Variants in E2F3 observed in about 807,000 individuals in gnomAD.
E2F3 encodes the protein E2F transcription factor 3.
In E2F3, 11 loss-of-function variants were observed where a neutral mutation model predicts 44.4. The ratio of observed to expected loss-of-function variants is 0.25; its 90% CI spans 0.16 to 0.41. The LOEUF (loss-of-function observed/expected upper bound fraction) is 0.41. E2F3 is among the 10% of genes least tolerant of loss of function. The probability of loss-of-function intolerance (pLI) is 1.00; values close to 1 mark genes in which losing one functional copy is unlikely to be tolerated. For missense variants in E2F3, 487 were observed against 583.6 expected, an observed-to-expected ratio of 0.83 and a Z score of 1.70; for synonymous variants, 249 against 253.0, an observed-to-expected ratio of 0.98 and a Z score of 0.15.
chr6:20,415,953 A>C (rs944211935), intron 1 of E2F3, among the ~76,000 whole-genome samples: 1 of 152,196 alleles, frequency 6.6e-6, no homozygotes, highest in Non-Finnish European at 1.5e-5. Flanking sequence ...CTCAGGGTCA[A>C]CTTCTCAGTG....
intron 1 of E2F3, among the ~76,000 whole-genome samples, chr6:20,435,961 T>C (rs1384804719): frequency 1.4e-5 from 2 of 145,886 alleles, no homozygotes; most frequent in East Asian, 4.2e-4. Context: ...AGATCATACA[T>C]TAAAGAATTG....
At chr6:20,478,222 C>T (rs751992653) in intron 1 of E2F3, among the ~76,000 whole-genome samples, 16 of 152,066 alleles carry the variant, frequency 1.1e-4, no homozygotes, top group Admixed American at 3.9e-4. Context: ...TCAGTGGAAA[C>T]GGACAGTCCA....
intron 1 of E2F3, among the ~76,000 whole-genome samples, chr6:20,412,543 A>C (rs889573061): frequency 1.3e-5 from 2 of 151,972 alleles, no homozygotes; most frequent in Non-Finnish European, 2.9e-5. Context: ...AACAGGACCG[A>C]AGGTTGGATG....
At chr6:20,405,144 A>G (rs1759450596) in intron 1 of E2F3, among the ~76,000 whole-genome samples, 2 of 152,144 alleles carry the variant, frequency 1.3e-5, no homozygotes, top group African/African-American at 4.8e-5. Context: ...AGTATACTAA[A>G]TTACCCTCAC....
intron 1 of E2F3, among the ~76,000 whole-genome samples, chr6:20,409,866 A>G (rs1014381969): frequency 6.6e-6 from 1 of 152,200 alleles, no homozygotes. Context: ...TAATCCACAA[A>G]CCAGAAAGGT....
intron 1 of E2F3, among the ~76,000 whole-genome samples, chr6:20,450,458 G>A (rs1273933124): frequency 2.6e-5 from 4 of 151,920 alleles, no homozygotes; most frequent in Non-Finnish European, 5.9e-5. Context: ...CTTTGCCCAC[G>A]TTTTAATGGG....
chr6:20,455,258 C>G (rs1280926012), intron 1 of E2F3, among the ~76,000 whole-genome samples: 1 of 152,162 alleles, frequency 6.6e-6, no homozygotes, highest in Non-Finnish European at 1.5e-5. Context: ...TCTCCATATC[C>G]TGTGTGTTTC....
At chr6:20,471,382 A>G (rs1761884986) in intron 1 of E2F3, among the ~76,000 whole-genome samples, 1 of 152,170 alleles carries the variant, frequency 6.6e-6, no homozygotes, top group Non-Finnish European at 1.5e-5. Context: ...CAGGAGTTCG[A>G]GACTAGCCTG....
intron 1 of E2F3, among the ~76,000 whole-genome samples, chr6:20,456,970 C>T (rs778419812): frequency 6.6e-5 from 10 of 152,242 alleles, no homozygotes; most frequent in Middle Eastern, 6.8e-3. Flanking sequence ...TTTATGAACT[C>T]ACTTTGCCCA....
At chr6:20,457,672 G>A (rs1288070889) in intron 1 of E2F3, among the ~76,000 whole-genome samples, 3 of 152,162 alleles carry the variant, frequency 2.0e-5, no homozygotes, top group Non-Finnish European at 2.9e-5. Context: ...TGCCTCCTGA[G>A]AAGTCCTTGT....
In E2F3 at chr6:20,402,269, C is replaced by T. The variant is rs770323014; in HGVS notation, c.37C>T (p.Leu13=). The T allele has an allele frequency of 1.5e-5, 24 of 1,607,892 alleles. No individual in the cohort carries two copies. The highest frequency in any genetic ancestry group is 2.0e-5 in the Non-Finnish European group (23 of 1,178,480). The part of the protein sequence containing the change: ...KGIQPALEQY[L]VTAGGGEGAA... ...AATCCAGCCCGCTCTGGAGCAGTAC[C>T]TGGTGACCGCCGGGGGTGGGGAGGG... Residue 13 remains leucine (L), a synonymous_variant, in exon 1 of 7, where the codon CTG becomes TTG. Coordinates refer to ENST00000346618, the MANE Select transcript of E2F3 (RefSeq NM_001949.5). The surrounding 1 kb of genome is among the most constrained non-coding windows in gnomAD (Gnocchi z 5.6).
intron 1 of E2F3, among the ~76,000 whole-genome samples, chr6:20,467,366 C>T (rs1292188754): frequency 6.6e-6 from 1 of 152,176 alleles, no homozygotes; most frequent in African/African-American, 2.4e-5. Context: ...TGGAGTCAGG[C>T]AGTCCCCCTT....
At chr6:20,415,392 TCTC>T (rs1314917023) in intron 1 of E2F3, among the ~76,000 whole-genome samples, 1 of 152,178 alleles carries the variant, frequency 6.6e-6, no homozygotes. Context: ...GTCAGATACT[TCTC>T]CGTGGTGATA....
At chr6:20,435,164 G>C (rs1760532511) in intron 1 of E2F3, among the ~76,000 whole-genome samples, 1 of 152,204 alleles carries the variant, frequency 6.6e-6, no homozygotes, top group South Asian at 2.1e-4. Flanking sequence ...CAGCACTTCA[G>C]ACTCAAGTTT....
intron 4 of E2F3, among the ~76,000 whole-genome samples, chr6:20,484,132 C>A (rs910646950): frequency 1.8e-4 from 28 of 152,144 alleles, no homozygotes; most frequent in African/African-American, 6.3e-4. Flanking sequence ...TGATTGGCAG[C>A]CTTCCGGGAC....
chr6:20,450,455 C>T (rs1761092130), intron 1 of E2F3, among the ~76,000 whole-genome samples: 1 of 152,084 alleles, frequency 6.6e-6, no homozygotes, highest in Non-Finnish European at 1.5e-5. Flanking sequence ...GTCCTTTGCC[C>T]ACGTTTTAAT....
chr6:20,412,481 A>G (rs150028654), intron 1 of E2F3, among the ~76,000 whole-genome samples: 70 of 152,266 alleles, frequency 4.6e-4, no homozygotes, highest in African/African-American at 1.6e-3. Context: ...GCAGGCAGAA[A>G]GATTGGCGTC....
intron 1 of E2F3, among the ~76,000 whole-genome samples, chr6:20,472,134 T>C (rs961972005): frequency 5.1e-5 from 7 of 136,516 alleles, no homozygotes; most frequent in African/African-American, 1.8e-4. Context: ...CAAGGGACTT[T>C]GGGAATTTAT....
chr6:20,434,363 T>C (rs1315798985), intron 1 of E2F3, among the ~76,000 whole-genome samples: 3 of 152,220 alleles, frequency 2.0e-5, no homozygotes, highest in Non-Finnish European at 4.4e-5. Context: ...CAGTTTGCTA[T>C]CTGTATAACT....
Sources: allele counts gnomAD v4.1 joint callset (sites outside exome capture counted in the v4.1 genomes callset), GRCh38; gene constraint gnomAD v4.1.1; non-coding constraint Gnocchi (gnomAD v3.1); transcripts MANE v1.5; gene names NCBI Gene and HGNC (gene_info 2026-07-23, HGNC 2026-07-21).